The following NCOA7 variants were observed in gnomAD, a reference collection of about 807,000 sequenced individuals.
The protein encoded by NCOA7 is nuclear receptor coactivator 7.
In NCOA7, 45 loss-of-function variants were observed where a neutral mutation model predicts 104.3. That is an observed-to-expected ratio of 0.43 (90% CI 0.34 to 0.55). The LOEUF is 0.55. NCOA7 is among the 20% of genes least tolerant of loss of function. The pLI, the probability that NCOA7 is intolerant of heterozygous loss-of-function variation, is 0.02. For missense variants in NCOA7, 1,041 were observed against 1,119.7 expected, an observed-to-expected ratio of 0.93 and a Z score of 1.00; for synonymous variants, 398 against 402.3, an observed-to-expected ratio of 0.99 and a Z score of 0.13.
upstream of NCOA7, among the ~76,000 whole-genome samples, chr6:125,788,698 A>ATTTTTTTTTTT (rs60048395): frequency 3.3e-5 from 4 of 121,914 alleles, no homozygotes; most frequent in East Asian, 2.5e-4. Context: ...CACCCAGCTA[A>ATTTTTTTTTTT]TTTTTTTTTT....
chr6:125,793,359 T>G (rs989825964), intron 1 of NCOA7, among the ~76,000 whole-genome samples: 5 of 152,234 alleles, frequency 3.3e-5, no homozygotes, highest in African/African-American at 1.2e-4. Context: ...TTATAAGCAC[T>G]TATTTGTTCA....
upstream of NCOA7, among the ~76,000 whole-genome samples, chr6:125,786,614 T>A (rs1774477096): frequency 6.8e-6 from 1 of 146,902 alleles, no homozygotes; most frequent in South Asian, 2.2e-4. Context: ...TCCGGCTCCG[T>A]CGCCCAGGCT....
At chr6:125,872,930 G>A (rs1248868489) in intron 3 of NCOA7, among the ~76,000 whole-genome samples, 1 of 152,156 alleles carries the variant, frequency 6.6e-6, no homozygotes, top group Admixed American at 6.5e-5. Context: ...GAATGGTTCT[G>A]ATTTGAAGAT....
At chr6:125,919,507 A>AAGTC in intron 11 of NCOA7, 1 of 1,404,526 alleles carries the variant, frequency 7.1e-7, no homozygotes, top group Non-Finnish European at 1.0e-6. Flanking sequence ...TTTCTTTTGA[A>AAGTC]AGTCGTTCTA....
chr6:125,922,004 C>G (rs571945369), intron 12 of NCOA7, among the ~76,000 whole-genome samples: 1 of 152,246 alleles, frequency 6.6e-6, no homozygotes, highest in Admixed American at 6.5e-5. Flanking sequence ...TACTGAGGAA[C>G]CAGTAAAGAC....
At chr6:125,897,022 C>T (rs967679419) in intron 10 of NCOA7, among the ~76,000 whole-genome samples, 11 of 152,196 alleles carry the variant, frequency 7.2e-5, no homozygotes, top group Non-Finnish European at 1.3e-4. Flanking sequence ...TAAGTTATTA[C>T]ATAATGTCAA....
At chr6:125,866,528 CA>C (rs1223419788) in intron 3 of NCOA7, among the ~76,000 whole-genome samples, 4 of 152,124 alleles carry the variant, frequency 2.6e-5, no homozygotes, top group African/African-American at 9.7e-5. Flanking sequence ...ATCACCTTAT[CA>C]AATTCTTAGG....
At chr6:125,896,348 TC>T (rs1476883048) in intron 10 of NCOA7, among the ~76,000 whole-genome samples, 4 of 152,144 alleles carry the variant, frequency 2.6e-5, no homozygotes, top group African/African-American at 9.7e-5. Context: ...ATTCTTTATA[TC>T]TAAGTCAGTA....
Position 125,827,188 on chromosome 6 carries a change from C to CAA in NCOA7, c.50+11811_50+11812dup, listed in dbSNP as rs66522338. Among the ~76,000 whole-genome samples, 107 of 79,018 alleles carry CAA rather than the reference C, an allele frequency of 1.4e-3. 5 individuals are homozygous for CAA. Among genetic ancestry groups the CAA allele is most frequent in the African/African-American group, 4.0e-3 (48 of 12,056 alleles). 51.8% of individuals were successfully genotyped at this position (79,018 alleles called of 152,430 possible). On this transcript the variant is annotated intron_variant, in intron 2 of 15. Coordinates refer to ENST00000392477, the MANE Select transcript of NCOA7 (RefSeq NM_181782.5). Reference sequence around the variant, plus strand: ...GGGCAACAAGAGTGAAACTCCATCTCAAAAAAAAAAAAAAAAAAAAAAAAA... The same window carrying CAA: ...GGGCAACAAGAGTGAAACTCCATCTCAAAAAAAAAAAAAAAAAAAAAAAAAAA...
At chr6:125,803,428 G>A (rs936059990) in intron 1 of NCOA7, among the ~76,000 whole-genome samples, 7 of 152,118 alleles carry the variant, frequency 4.6e-5, no homozygotes, top group African/African-American at 7.2e-5. Context: ...ACAGTTGTAG[G>A]CACAAAACAG....
chr6:125,906,463 C>T (rs940336053), intron 10 of NCOA7, among the ~76,000 whole-genome samples: 5 of 152,070 alleles, frequency 3.3e-5, no homozygotes, highest in African/African-American at 1.2e-4. Context: ...TTGTAGTGGA[C>T]CCATTAAGCC....
intron 2 of NCOA7, among the ~76,000 whole-genome samples, chr6:125,849,897 T>C (rs1034235270): frequency 6.6e-6 from 1 of 152,230 alleles, no homozygotes; most frequent in Non-Finnish European, 1.5e-5. Context: ...TTGCCAAGTG[T>C]ATTTTTAGTC....
chr6:125,887,221 A>C (rs1308551755), intron 8 of NCOA7, among the ~76,000 whole-genome samples: 1 of 152,190 alleles, frequency 6.6e-6, no homozygotes, highest in Non-Finnish European at 1.5e-5. Context: ...GAGAAGGTGA[A>C]GAAAGTTTTG....
intron 2 of NCOA7, among the ~76,000 whole-genome samples, chr6:125,823,425 C>T (rs1293765945): frequency 6.6e-6 from 1 of 152,108 alleles, no homozygotes; most frequent in Non-Finnish European, 1.5e-5. Context: ...AAACCATTTT[C>T]TATGAAAAAG....
intron 1 of NCOA7, among the ~76,000 whole-genome samples, chr6:125,806,341 AAAATAAAT>A (rs1415795481): frequency 6.6e-6 from 1 of 152,108 alleles, no homozygotes; most frequent in Non-Finnish European, 1.5e-5. Flanking sequence ...ACTCCTTCTC[AAAATAAAT>A]AAATAAATAA....
At chr6:125,873,190 AG>A (rs1783075293) in intron 3 of NCOA7, among the ~76,000 whole-genome samples, 1 of 152,100 alleles carries the variant, frequency 6.6e-6, no homozygotes, top group African/African-American at 2.4e-5. Flanking sequence ...CCTCAGACAT[AG>A]GGGGCTGAGT....
At chr6:125,820,415 A>G (rs376295716) in intron 2 of NCOA7, among the ~76,000 whole-genome samples, 11 of 152,376 alleles carry the variant, frequency 7.2e-5, no homozygotes, top group African/African-American at 2.6e-4. Context: ...AGAAGGAGAC[A>G]TCCCAACCAG....
At chr6:125,876,725 T>A (rs1783408499) in intron 4 of NCOA7, among the ~76,000 whole-genome samples, 1 of 152,140 alleles carries the variant, frequency 6.6e-6, no homozygotes, top group Non-Finnish European at 1.5e-5. Context: ...GACAAGTTGG[T>A]TTTGTGCTTG....
chr6:125,791,355 G>T (rs561260170), intron 1 of NCOA7, among the ~76,000 whole-genome samples: 1 of 152,374 alleles, frequency 6.6e-6, no homozygotes, highest in African/African-American at 2.4e-5. Flanking sequence ...GGACAGGTTG[G>T]CATGGGGCTT....
Sources: allele counts gnomAD v4.1 joint callset (sites outside exome capture counted in the v4.1 genomes callset), GRCh38; gene constraint gnomAD v4.1.1; transcripts MANE v1.5; gene names NCBI Gene and HGNC (gene_info 2026-07-23, HGNC 2026-07-21).